Variants in TBXAS1 observed in about 807,000 individuals in gnomAD.
The protein encoded by TBXAS1 is thromboxane-A synthase.
A neutral mutation model predicts 60.7 loss-of-function variants in TBXAS1; 48 were observed. The observed-to-expected ratio is 0.79, with a 90% CI of 0.63 to 1.01. The LOEUF is 1.01. Ranked by LOEUF, TBXAS1 falls within the 50% of genes least tolerant of loss-of-function variation. TBXAS1 has a pLI of 0.00. For missense variants in TBXAS1, 685 were observed against 686.3 expected (o/e 1.00, Z 0.02); for synonymous variants, 287 against 269.7 (o/e 1.06, Z -0.63).
At chr7:139,905,005 C>CTCTCTCTTTCTT (rs1804891084) in intron 3 of TBXAS1, among the ~76,000 whole-genome samples, 3 of 90,420 alleles carry the variant, frequency 3.3e-5, no homozygotes, top group South Asian at 3.9e-4. Flanking sequence ...CTCTCTTTCT[C>CTCTCTCTTTCTT]TCTTTCTTTC....
intron 4 of TBXAS1, among the ~76,000 whole-genome samples, chr7:139,792,846 A>G (rs1198489298): frequency 6.6e-6 from 1 of 152,216 alleles, no homozygotes; most frequent in Non-Finnish European, 1.5e-5. Context: ...TTAAAGTCAT[A>G]ACTATCATTT....
chr7:139,818,770 A>G (rs149553315), intron 4 of TBXAS1, among the ~76,000 whole-genome samples: 1 of 152,226 alleles, frequency 6.6e-6, no homozygotes, highest in South Asian at 2.1e-4. Flanking sequence ...CAGAGGGTCC[A>G]GCTGGGCTGG....
intron 11 of TBXAS1, among the ~76,000 whole-genome samples, chr7:140,017,347 A>C (rs1225779102): frequency 6.6e-6 from 1 of 152,202 alleles, no homozygotes; most frequent in Non-Finnish European, 1.5e-5. Context: ...CCTGGGGTTC[A>C]GGGATGCCGT....
At chr7:139,959,218 A>G (rs921334894) in intron 8 of TBXAS1, among the ~76,000 whole-genome samples, 8 of 152,356 alleles carry the variant, frequency 5.3e-5, no homozygotes, top group African/African-American at 1.4e-4. Flanking sequence ...AAATCTCCCA[A>G]CCACAAATCC....
chr7:139,920,894 G>A (rs142060609), intron 4 of TBXAS1, among the ~76,000 whole-genome samples: 2 of 152,238 alleles, frequency 1.3e-5, no homozygotes, highest in East Asian at 1.9e-4. Context: ...CCCGACAAGC[G>A]TGTGCTCAAT....
rs751103474 is a variant in TBXAS1, at chr7:139,952,006, GAAAGAAAA to G, written c.451-1360_451-1353del. 1.8e-3 allele frequency among the ~76,000 whole-genome samples: 269 copies of G among 147,856 alleles called. 10 individuals are homozygous for G. Among genetic ancestry groups the G allele is most frequent in the African/African-American group, 2.9e-3 (114 of 39,998 alleles). On this transcript the variant is annotated intron_variant, in intron 5 of 12. Coordinates refer to ENST00000448866, the MANE Select transcript of TBXAS1 (RefSeq NM_001061.7). Reference sequence around the variant, plus strand: ...AGAAAGAAAGAAAGAAAGAAAGAAAGAAAGAAAAAGAAAGGAAGGAAGGAGGGAAGGAA... The same window carrying G: ...AGAAAGAAAGAAAGAAAGAAAGAAAGAGAAAGGAAGGAAGGAGGGAAGGAA...
At chr7:139,891,236 A>AATAT (rs556112739) in intron 3 of TBXAS1, among the ~76,000 whole-genome samples, 1 of 149,852 alleles carries the variant, frequency 6.7e-6, no homozygotes, top group African/African-American at 2.4e-5. Flanking sequence ...CTATGATTAT[A>AATAT]ATATATATAT....
At chr7:140,014,946 G>A (rs928612112) in intron 10 of TBXAS1, among the ~76,000 whole-genome samples, 3 of 151,294 alleles carry the variant, frequency 2.0e-5, no homozygotes, top group Non-Finnish European at 4.4e-5. Flanking sequence ...AGGAGGAGGA[G>A]AAGAAGAAGA....
chr7:139,955,401 C>T, intron 6 of TBXAS1, 58 bp from the exon 7 acceptor site: 1 of 1,609,768 alleles, frequency 6.2e-7, no homozygotes, highest in Non-Finnish European at 8.5e-7. Flanking sequence ...TGGAGGGGGC[C>T]ATTGTGGGTA....
At chr7:139,923,622 A>G (rs913638712) in intron 4 of TBXAS1, among the ~76,000 whole-genome samples, 3 of 152,192 alleles carry the variant, frequency 2.0e-5, no homozygotes, top group Non-Finnish European at 4.4e-5. Context: ...TGTGTTACAA[A>G]CAATCCAATT....
intron 1 of TBXAS1, among the ~76,000 whole-genome samples, chr7:139,867,339 G>C (rs889399469): frequency 6.6e-6 from 1 of 152,194 alleles, no homozygotes; most frequent in African/African-American, 2.4e-5. Flanking sequence ...GGGGCCGGCT[G>C]GACCCTTCTC....
At chr7:139,932,972 G>T (rs559680332) in intron 4 of TBXAS1, among the ~76,000 whole-genome samples, 2 of 152,146 alleles carry the variant, frequency 1.3e-5, no homozygotes, top group East Asian at 3.8e-4. Flanking sequence ...GGGTAGGATC[G>T]CTTGAGTCCA....
At chr7:139,913,198 G>T in intron 4 of TBXAS1, 1 of 698,638 alleles carries the variant, frequency 1.4e-6, no homozygotes, top group Non-Finnish European at 2.6e-6. Flanking sequence ...CTGCTTCTCT[G>T]CTGCCTCTAG....
intron 5 of TBXAS1, among the ~76,000 whole-genome samples, chr7:139,941,613 C>G (rs1390491711): frequency 6.6e-6 from 1 of 152,124 alleles, no homozygotes; most frequent in Non-Finnish European, 1.5e-5. Flanking sequence ...AAACAACTGA[C>G]TTTTTGTTGT....
intron 9 of TBXAS1, among the ~76,000 whole-genome samples, chr7:139,996,654 G>T (rs1359905152): frequency 6.6e-6 from 1 of 152,164 alleles, no homozygotes; most frequent in Non-Finnish European, 1.5e-5. Flanking sequence ...TCCCTGACCC[G>T]TTAAATCCCA....
At chr7:139,976,844 G>A (rs1811598122) in intron 9 of TBXAS1, among the ~76,000 whole-genome samples, 1 of 152,164 alleles carries the variant, frequency 6.6e-6, no homozygotes, top group African/African-American at 2.4e-5. Context: ...TCAATGGCAG[G>A]ACTGACTTTA....
At chr7:139,997,064 T>C (rs1037706459) in intron 9 of TBXAS1, among the ~76,000 whole-genome samples, 1 of 152,250 alleles carries the variant, frequency 6.6e-6, no homozygotes, top group Non-Finnish European at 1.5e-5. Context: ...AAACCTTCAG[T>C]GGCTCCCTAT....
intron 3 of TBXAS1, 136 bp from the exon 4 acceptor site, chr7:139,911,088 CA>C: frequency 1.3e-6 from 1 of 775,322 alleles, no homozygotes; most frequent in South Asian, 1.4e-5. Context: ...ATGATTGGAA[CA>C]TATGTTTCCT....
rs547617232 is a variant in TBXAS1 at position 139,975,268 on chromosome 7, A to G, written c.1134+13035A>G. 1.3e-5 allele frequency among the ~76,000 whole-genome samples: 2 copies of G among 152,358 alleles called. No homozygotes were observed. Among genetic ancestry groups the G allele is most frequent in the South Asian group, 2.1e-4 (1 of 4,832 alleles). ...TTCATGTTTGATTAAATAACTGCAC[A>G]CAATAGCCTAGCAAAGTTGACACAA... On this transcript the variant is annotated intron_variant, in intron 9 of 12. Transcript: ENST00000448866. The surrounding 1 kb of genome is among the most constrained non-coding windows in gnomAD (Gnocchi z 4.4).
Sources: gnomAD v4.1 joint callset for allele counts (sites outside exome capture counted in the v4.1 genomes callset) on GRCh38, gnomAD v4.1.1 for gene constraint, Gnocchi (gnomAD v3.1) non-coding constraint, MANE v1.5 for transcripts, NCBI Gene and HGNC (gene_info 2026-07-23, HGNC 2026-07-21) for gene names.